The following SLC16A7 variants were observed in gnomAD, a reference collection of about 807,000 sequenced individuals.
The protein encoded by SLC16A7 is solute carrier family 16 member 7.
SLC16A7 carries 33 observed loss-of-function variants against 34.9 expected under a neutral mutation model. That is an observed-to-expected ratio of 0.94 (90% CI 0.72 to 1.26). SLC16A7 has a LOEUF of 1.26. Among genes scored for constraint, SLC16A7 ranks in the 50% most tolerant of loss-of-function variants. SLC16A7 has a pLI of 0.00. For synonymous variants in SLC16A7, 201 were observed against 206.6 expected, an observed-to-expected ratio of 0.97 and a Z score of 0.23; for missense variants, 573 against 578.1, an observed-to-expected ratio of 0.99 and a Z score of 0.09.
intron 2 of SLC16A7, among the ~76,000 whole-genome samples, chr12:59,685,983 T>C (rs1343161572): frequency 6.6e-6 from 1 of 152,010 alleles, no homozygotes; most frequent in Non-Finnish European, 1.5e-5. Flanking sequence ...TAAGCAGTCT[T>C]AAGGAACTAA....
At chr12:59,648,909 A>G (rs1868295917) in intron 1 of SLC16A7, among the ~76,000 whole-genome samples, 1 of 152,160 alleles carries the variant, frequency 6.6e-6, no homozygotes, top group Non-Finnish European at 1.5e-5. Flanking sequence ...GATTATCAAT[A>G]TTGATTTTGG....
intron 3 of SLC16A7, among the ~76,000 whole-genome samples, chr12:59,730,673 CTTTT>C (rs1183886760): frequency 1.3e-5 from 2 of 152,042 alleles, no homozygotes; most frequent in African/African-American, 4.8e-5. Context: ...ATATATTTTT[CTTTT>C]TATTTTCCTA....
chr12:59,728,885 C>A (rs924182270), intron 3 of SLC16A7, among the ~76,000 whole-genome samples: 1 of 152,040 alleles, frequency 6.6e-6, no homozygotes, highest in African/African-American at 2.4e-5. Context: ...AAATAGGAAC[C>A]TAGAAATTCT....
At chr12:59,737,790 TGG>T (rs1230987127) in intron 3 of SLC16A7, among the ~76,000 whole-genome samples, 1 of 152,124 alleles carries the variant, frequency 6.6e-6, no homozygotes, top group African/African-American at 2.4e-5. Context: ...AACTGATACT[TGG>T]GGTATGGTCC....
intron 2 of SLC16A7, among the ~76,000 whole-genome samples, chr12:59,668,723 C>T (rs371195820): frequency 6.6e-6 from 1 of 152,034 alleles, no homozygotes; most frequent in Non-Finnish European, 1.5e-5. Flanking sequence ...AATGTGAAAA[C>T]GACATGAAAT....
intron 3 of SLC16A7, chr12:59,736,080 G>C: frequency 4.6e-6 from 1 of 217,098 alleles, no homozygotes. Flanking sequence ...AACTGTGAGA[G>C]ATTTATTCCC....
intron 3 of SLC16A7, among the ~76,000 whole-genome samples, chr12:59,751,320 C>T (rs35258374): frequency 0.076 from 11,643 of 152,276 alleles, 537 homozygotes; most frequent in South Asian, 0.17. Context: ...ACTCGGGAAG[C>T]GCAAGGGGTC....
chr12:59,622,695 C>T (rs182086486), intron 1 of SLC16A7, among the ~76,000 whole-genome samples: 86 of 151,758 alleles, frequency 5.7e-4, no homozygotes, highest in Non-Finnish European at 7.4e-4. Context: ...CAGCACTGTT[C>T]GAAACATTTT....
chr12:59,645,460 G>T (rs1207367459), intron 1 of SLC16A7, among the ~76,000 whole-genome samples: 2 of 152,130 alleles, frequency 1.3e-5, no homozygotes, highest in Non-Finnish European at 2.9e-5. Context: ...TTTCCCCTTT[G>T]CTTGTGTCAC....
chr12:59,663,952 A>G (rs1868990341), intron 2 of SLC16A7, among the ~76,000 whole-genome samples: 1 of 151,992 alleles, frequency 6.6e-6, no homozygotes, highest in Non-Finnish European at 1.5e-5. Context: ...TAGTGCTTAG[A>G]TCTAAATAAT....
chr12:59,749,519 C>T (rs1879264789), intron 3 of SLC16A7, among the ~76,000 whole-genome samples: 1 of 152,088 alleles, frequency 6.6e-6, no homozygotes, highest in Non-Finnish European at 1.5e-5. Flanking sequence ...GCCTCTAGAT[C>T]AGGAGGTGAG....
rs999836199 is a variant in SLC16A7 at position 59,787,412 on chromosome 12, T to A, written c.*7733T>A. ...AAACAATACTAAAATCCATAACAGC[T>A]GTCTGGCAACAGTGTAATTAGAGCT... is the stretch of plus-strand genomic sequence containing the variant. On this transcript the variant is annotated 3_prime_UTR_variant, in exon 6 of 6. Coordinates refer to ENST00000547379, the MANE Select transcript of SLC16A7 (RefSeq NM_001270623.2). 2 of 152,220 alleles carry A rather than the reference T, an allele frequency of 1.3e-5. No individual in the cohort carries two copies. The highest frequency in any genetic ancestry group is 4.8e-5 in the African/African-American group (2 of 41,462). 9.4% of individuals were successfully genotyped at this position (152,220 alleles called of 1,614,324 possible).
At chr12:59,630,256 T>C (rs1197674352) in intron 1 of SLC16A7, among the ~76,000 whole-genome samples, 4 of 151,908 alleles carry the variant, frequency 2.6e-5, no homozygotes, top group Non-Finnish European at 4.4e-5. Context: ...TTAAGTTGCA[T>C]ATATTGGTTC....
chr12:59,729,171 CT>C (rs1876640641), intron 3 of SLC16A7, among the ~76,000 whole-genome samples: 1 of 152,200 alleles, frequency 6.6e-6, no homozygotes, highest in Non-Finnish European at 1.5e-5. Context: ...TAAGTATGCA[CT>C]TTTCCTTTTA....
At chr12:59,678,787 G>T (rs1870516737) in intron 2 of SLC16A7, among the ~76,000 whole-genome samples, 1 of 152,154 alleles carries the variant, frequency 6.6e-6, no homozygotes, top group Non-Finnish European at 1.5e-5. Flanking sequence ...CCAGGAGTCT[G>T]TCTTCTGAAG....
At chr12:59,734,587 G>C (rs1233781929) in intron 3 of SLC16A7, among the ~76,000 whole-genome samples, 1 of 152,220 alleles carries the variant, frequency 6.6e-6, no homozygotes, top group Non-Finnish European at 1.5e-5. Context: ...GCTGCCACCT[G>C]TTCCTGGCCC....
intron 3 of SLC16A7, among the ~76,000 whole-genome samples, chr12:59,707,849 A>G (rs549824022): frequency 4.6e-5 from 7 of 152,258 alleles, no homozygotes; most frequent in South Asian, 2.1e-4. Context: ...ATCTCTGGCC[A>G]TAGAGAAAAG....
chr12:59,713,581 C>A lies in SLC16A7; in HGVS notation c.217+8563C>A, dbSNP rs1225352326. On this transcript the variant is annotated intron_variant, in intron 3 of 5. Coordinates refer to ENST00000547379, the MANE Select transcript of SLC16A7 (RefSeq NM_001270623.2). ...CTTTGGCAGAGTAAATGCATTGTTC[C>A]AAAGGGATTTTTAAATGGTTAATCT... 2.6e-5 allele frequency among the ~76,000 whole-genome samples: 4 copies of A among 151,972 alleles called. No individual in the cohort carries two copies. In the East Asian group the frequency reaches 7.7e-4, roughly 29 times the overall value.
intron 1 of SLC16A7, among the ~76,000 whole-genome samples, chr12:59,597,330 C>T (rs1410638176): frequency 2.0e-5 from 3 of 151,458 alleles, no homozygotes; most frequent in Non-Finnish European, 4.4e-5. Context: ...ATTTCCTTTC[C>T]TGTATTATTT....
Sources: allele counts gnomAD v4.1 joint callset (sites outside exome capture counted in the v4.1 genomes callset), GRCh38; gene constraint gnomAD v4.1.1; transcripts MANE v1.5; gene names NCBI Gene and HGNC (gene_info 2026-07-23, HGNC 2026-07-21).